Variants in CDC25C observed in about 807,000 individuals in gnomAD.
The protein encoded by CDC25C is cell division cycle 25C.
CDC25C carries 48 observed loss-of-function variants against 52.5 expected under a neutral mutation model. The observed-to-expected ratio is 0.91, with a 90% confidence interval of 0.72 to 1.16. The LOEUF (loss-of-function observed/expected upper bound fraction) is 1.16, where lower values mean the gene tolerates loss of function less well. Ranked by LOEUF, CDC25C falls within the 50% of genes most tolerant of loss-of-function variation. CDC25C has a pLI of 0.00. For synonymous variants in CDC25C, 187 were observed against 206.5 expected, an observed-to-expected ratio of 0.91 and a Z score of 0.81; for missense variants, 510 against 566.1, an observed-to-expected ratio of 0.90 and a Z score of 1.01.
chr5:138,324,074 C>T (rs1480745912), intron 6 of CDC25C, among the ~76,000 whole-genome samples: 1 of 151,732 alleles, frequency 6.6e-6, no homozygotes, highest in African/African-American at 2.4e-5. Flanking sequence ...AGTTCAAGAC[C>T]AGCCTGGGCA....
At chr5:138,332,761 G>T (rs368990939), upstream of CDC25C, among the ~76,000 whole-genome samples, 1 of 152,174 alleles carries the variant, frequency 6.6e-6, no homozygotes, top group Non-Finnish European at 1.5e-5. Flanking sequence ...AGCTACTTGG[G>T]AGGCTGAGGC....
chr5:138,337,885 G>T (rs1375436703), intron 1 of CDC25C: 2 of 1,129,340 alleles, frequency 1.8e-6, no homozygotes, highest in Admixed American at 5.2e-5. Context: ...GCGTGACGCG[G>T]CCCGAACCGA....
Position 138,291,989 on chromosome 5 carries a change from C to T in CDC25C, c.743G>A (p.Gly248Asp), listed in dbSNP as rs1296337863. 53 of 1,607,772 alleles carry T rather than the reference C, an allele frequency of 3.3e-5. No homozygotes were observed. The highest frequency in any genetic ancestry group is 4.4e-5 in the Non-Finnish European group (52 of 1,176,840). The change falls in exon 8 of 14, where the codon GGC (glycine) becomes GAC (aspartate). Residue 248 changes from glycine to aspartate, a missense_variant. Coordinates refer to ENST00000323760, the MANE Select transcript of CDC25C (RefSeq NM_001790.5). ...PDKVKKKYFS[G>D]QGKLRKGLCL... ...TCTTACCTTCCTGAGCTTTCCTTGG[C>T]CAGAAAAATACTTTTTTTTAACTTT...
chr5:138,303,972 A>C (rs1238104168), intron 7 of CDC25C, among the ~76,000 whole-genome samples: 3 of 152,182 alleles, frequency 2.0e-5, no homozygotes, highest in African/African-American at 4.8e-5. Flanking sequence ...TGGGTATAAA[A>C]GGAGATTGAT....
chr5:138,293,081 T>C (rs956484425), intron 7 of CDC25C, among the ~76,000 whole-genome samples: 1 of 152,198 alleles, frequency 6.6e-6, no homozygotes, highest in Admixed American at 6.5e-5. Flanking sequence ...ATGACAGCTA[T>C]GGATATTATG....
At chr5:138,294,771 T>C (rs1169619458) in intron 7 of CDC25C, among the ~76,000 whole-genome samples, 1 of 152,092 alleles carries the variant, frequency 6.6e-6, no homozygotes, top group Non-Finnish European at 1.5e-5. Flanking sequence ...TCCAAAGTGC[T>C]GGGATTACAG....
chr5:138,316,294 C>A (rs948296051), intron 7 of CDC25C, among the ~76,000 whole-genome samples: 2 of 152,232 alleles, frequency 1.3e-5, no homozygotes, highest in Non-Finnish European at 2.9e-5. Flanking sequence ...CTGTTACAGT[C>A]CGGGGGCGGA....
At chr5:138,311,833 T>C (rs1230897220) in intron 7 of CDC25C, among the ~76,000 whole-genome samples, 2 of 152,038 alleles carry the variant, frequency 1.3e-5, no homozygotes, top group Non-Finnish European at 2.9e-5. Context: ...CCAGAATATA[T>C]AAAGAACTAC....
intron 6 of CDC25C, among the ~76,000 whole-genome samples, chr5:138,324,648 C>T (rs1172704186): frequency 1.3e-5 from 2 of 151,638 alleles, no homozygotes; most frequent in East Asian, 1.9e-4. Context: ...ATCCCAGCTA[C>T]GTGGGAGGCT....
intron 7 of CDC25C, among the ~76,000 whole-genome samples, chr5:138,315,826 G>C (rs1362535739): frequency 6.6e-6 from 1 of 152,242 alleles, no homozygotes; most frequent in African/African-American, 2.4e-5. Flanking sequence ...GTTGGCAGCT[G>C]CAACTCCAGA....
chr5:138,309,732 T>TC (rs1758302610), intron 7 of CDC25C, among the ~76,000 whole-genome samples: 1 of 150,502 alleles, frequency 6.6e-6, no homozygotes, highest in South Asian at 2.1e-4. Context: ...TTTTTTTTTT[T>TC]TGAGATGGAG....
intron 7 of CDC25C, among the ~76,000 whole-genome samples, chr5:138,296,636 C>T (rs1300906137): frequency 6.8e-6 from 1 of 146,588 alleles, no homozygotes; most frequent in Non-Finnish European, 1.5e-5. Context: ...GACAGAGTCT[C>T]GCTCTTTCAC....
chr5:138,296,721 T>C lies in CDC25C; in HGVS notation c.616-4605A>G, dbSNP rs1346632690. On this transcript the variant is annotated intron_variant, in intron 7 of 13. Transcript: ENST00000323760. ...CCCAGGTTCACGCCATTCTCCTGCC[T>C]CGGCCCCCAGAGTAGCTGGGACTAC... Among the ~76,000 whole-genome samples, 4 of 150,424 alleles carry C rather than the reference T, an allele frequency of 2.7e-5. No homozygotes were observed. The East Asian group carries it at 5.9e-4, about 22-fold the overall frequency.
chr5:138,291,472 G>A (rs1005844574), intron 8 of CDC25C, among the ~76,000 whole-genome samples: 6 of 148,808 alleles, frequency 4.0e-5, no homozygotes, highest in Non-Finnish European at 8.9e-5. Context: ...AGGCTGGAGT[G>A]CAGTGGCACA....
At chr5:138,298,858 A>C (rs777997904) in intron 7 of CDC25C, among the ~76,000 whole-genome samples, 56 of 152,100 alleles carry the variant, frequency 3.7e-4, no homozygotes, top group Non-Finnish European at 6.9e-4. Flanking sequence ...TAAAATTAGA[A>C]ATCAGTTAAC....
chr5:138,308,667 C>A (rs1441986894), intron 7 of CDC25C, among the ~76,000 whole-genome samples: 2 of 152,128 alleles, frequency 1.3e-5, no homozygotes, highest in Admixed American at 1.3e-4. Flanking sequence ...ATTCTCCCAA[C>A]ACCCATCCTG....
At chr5:138,306,557 C>T (rs11748706) in intron 7 of CDC25C, among the ~76,000 whole-genome samples, 1 of 151,836 alleles carries the variant, frequency 6.6e-6, no homozygotes, top group Non-Finnish European at 1.5e-5. Flanking sequence ...CTCCCTGCAA[C>T]CTCCACCTCC....
chr5:138,323,391 G>C (rs1469912162), intron 6 of CDC25C, among the ~76,000 whole-genome samples: 1 of 152,092 alleles, frequency 6.6e-6, no homozygotes, highest in Non-Finnish European at 1.5e-5. Flanking sequence ...TCAGGCTCTT[G>C]GGCCGAGGCG....
Position 138,331,616 on chromosome 5 carries a change from TTGCCTACAA to T in CDC25C, c.-69_-61del. The stretch of plus-strand genomic sequence containing the variant: ...TTACCTCAAGCCTGGAGTCTGAGGC[TTGCCTACAA>T]GAGGAGAGAAAGTAGATAGGGATCG... On this transcript the variant is annotated 5_prime_UTR_variant, in exon 1 of 14. Coordinates refer to ENST00000323760, the MANE Select transcript of CDC25C (RefSeq NM_001790.5). 9.9e-7 allele frequency: 1 copy of T among 1,012,600 alleles called. No individual in the cohort carries two copies. The highest frequency in any genetic ancestry group is 1.2e-6 in the Non-Finnish European group (1 of 845,260). 62.7% of individuals were successfully genotyped at this position (1,012,600 alleles called of 1,614,324 possible).
Sources: gnomAD v4.1 joint callset for allele counts (sites outside exome capture counted in the v4.1 genomes callset) on GRCh38, gnomAD v4.1.1 for gene constraint, MANE v1.5 for transcripts, NCBI Gene and HGNC (gene_info 2026-07-23, HGNC 2026-07-21) for gene names.